Variants in TLN2 observed in about 807,000 individuals in gnomAD.
The protein encoded by TLN2 is talin-2.
Under a neutral mutation model 294.7 loss-of-function variants are expected in TLN2, and 118 were observed. The ratio of observed to expected loss-of-function variants is 0.40; its 90% CI spans 0.34 to 0.47. TLN2 has a LOEUF of 0.47. TLN2 is among the 20% of genes least tolerant of loss of function. The probability of loss-of-function intolerance (pLI) is 0.84; values close to 1 mark genes in which losing one functional copy is unlikely to be tolerated. For synonymous variants in TLN2, 1,431 were observed against 1,304.5 expected, an observed-to-expected ratio of 1.10 and a Z score of -2.09; for missense variants, 3,083 against 3,282.2, an observed-to-expected ratio of 0.94 and a Z score of 1.48.
intron 1 of TLN2, among the ~76,000 whole-genome samples, chr15:62,522,762 C>A (rs371496231): frequency 1.3e-5 from 2 of 151,094 alleles, no homozygotes; most frequent in Non-Finnish European, 2.9e-5. Flanking sequence ...GAGGACAGGA[C>A]GACTCCCAGG....
chr15:62,765,127 C>T (rs569111104), intron 40 of TLN2, among the ~76,000 whole-genome samples: 1 of 151,592 alleles, frequency 6.6e-6, no homozygotes, highest in African/African-American at 2.4e-5. Flanking sequence ...TGCATGTGCT[C>T]CCTGATCATA....
intron 1 of TLN2, among the ~76,000 whole-genome samples, chr15:62,417,774 G>A (rs1011114346): frequency 1.3e-5 from 2 of 152,234 alleles, no homozygotes; most frequent in Non-Finnish European, 2.9e-5. Flanking sequence ...GGGCATTGAA[G>A]TAGCACCATT....
At chr15:62,809,801 C>A in intron 51 of TLN2, 124 bp from the exon 52 acceptor site, 1 of 804,538 alleles carries the variant, frequency 1.2e-6, no homozygotes, top group Non-Finnish European at 2.1e-6. Flanking sequence ...GATACCTCTT[C>A]TGTCCAGGGA....
At chr15:62,440,466 G>T (rs1020565864) in intron 1 of TLN2, among the ~76,000 whole-genome samples, 9 of 152,154 alleles carry the variant, frequency 5.9e-5, no homozygotes, top group African/African-American at 2.2e-4. Flanking sequence ...GCTGCAGATC[G>T]GTAAATACAA....
intron 1 of TLN2, among the ~76,000 whole-genome samples, chr15:62,542,284 C>T (rs964349792): frequency 6.6e-6 from 1 of 152,196 alleles, no homozygotes; most frequent in Middle Eastern, 3.4e-3. Flanking sequence ...CTGCACCTCC[C>T]GGGTTCACGC....
chr15:62,486,449 T>TTTG (rs2038399122), intron 1 of TLN2, among the ~76,000 whole-genome samples: 1 of 130,806 alleles, frequency 7.6e-6, no homozygotes, highest in Non-Finnish European at 1.6e-5. Context: ...GAACAGTTCC[T>TTTG]TTGTTTTTTT....
intron 2 of TLN2, among the ~76,000 whole-genome samples, chr15:62,600,081 G>A (rs987850658): frequency 6.6e-6 from 1 of 152,124 alleles, no homozygotes. Flanking sequence ...AAGAGGAGGT[G>A]GGATTTCCCG....
intron 1 of TLN2, among the ~76,000 whole-genome samples, chr15:62,548,338 A>G (rs1415109723): frequency 6.6e-6 from 1 of 152,170 alleles, no homozygotes; most frequent in Non-Finnish European, 1.5e-5. Context: ...TCCTAAGAGA[A>G]TCGGGTAAAA....
chr15:62,737,367 A>G (rs1244640992), intron 29 of TLN2, among the ~76,000 whole-genome samples: 1 of 152,206 alleles, frequency 6.6e-6, no homozygotes, highest in Non-Finnish European at 1.5e-5. Context: ...CCAGGACATA[A>G]CATGCTTGTT....
In TLN2 at chr15:62,595,016, A is replaced by G. The variant is rs61198581; in HGVS notation, c.-162+5254A>G. Among the ~76,000 whole-genome samples the G allele has an allele frequency of 2.0e-3, 306 of 152,352 alleles. 6 individuals carry two copies. The East Asian group carries it at 0.049, about 24-fold the overall frequency. ...GACATTTCTCAAAAGAAGATACACAAATGGCCAACAAGTATATGAAAAAAT... is the reference window on the plus strand; with the variant it reads ...GACATTTCTCAAAAGAAGATACACAGATGGCCAACAAGTATATGAAAAAAT... On this transcript the variant is annotated intron_variant, in intron 2 of 58. Coordinates refer to ENST00000636159, the MANE Select transcript of TLN2 (RefSeq NM_015059.3).
At chr15:62,454,359 G>T (rs1187150775) in intron 1 of TLN2, among the ~76,000 whole-genome samples, 1 of 152,126 alleles carries the variant, frequency 6.6e-6, no homozygotes, top group Non-Finnish European at 1.5e-5. Flanking sequence ...CACCAGGGAG[G>T]CCAGGCCCTG....
chr15:62,413,082 C>T (rs192646026), intron 1 of TLN2, among the ~76,000 whole-genome samples: 29 of 152,192 alleles, frequency 1.9e-4, no homozygotes, highest in Admixed American at 1.6e-3. Flanking sequence ...AATGTCTCCT[C>T]CAGGGAGAAT....
At chr15:62,657,037 G>C (rs2053285409) in intron 8 of TLN2, among the ~76,000 whole-genome samples, 1 of 152,106 alleles carries the variant, frequency 6.6e-6, no homozygotes, top group Non-Finnish European at 1.5e-5. Flanking sequence ...GCCAAAAGGA[G>C]AGAGATAGCA....
intron 1 of TLN2, among the ~76,000 whole-genome samples, chr15:62,456,410 T>A (rs1346449151): frequency 6.6e-6 from 1 of 152,122 alleles, no homozygotes; most frequent in Non-Finnish European, 1.5e-5. Context: ...TCCCCACCGT[T>A]TAAAATGCAG....
intron 4 of TLN2, among the ~76,000 whole-genome samples, chr15:62,648,868 A>G (rs1383236022): frequency 4.6e-5 from 7 of 150,956 alleles, no homozygotes; most frequent in African/African-American, 1.7e-4. Context: ...TTTTTGAGAC[A>G]GGGTCTCGCT....
intron 1 of TLN2, among the ~76,000 whole-genome samples, chr15:62,401,335 GCTGGAGTGCCAGCCA>G (rs2033003848): frequency 6.6e-6 from 1 of 152,148 alleles, no homozygotes; most frequent in Non-Finnish European, 1.5e-5. Flanking sequence ...TATCACCCAG[GCTGGAGTGCCAGCCA>G]CTTAGTTTTA....
chr15:62,785,195 T>TA (rs2064538115), intron 45 of TLN2, among the ~76,000 whole-genome samples: 1 of 152,242 alleles, frequency 6.6e-6, no homozygotes. Context: ...AGTTATCAGA[T>TA]ACCCACATTA....
At chr15:62,562,840 C>A (rs758022147) in intron 1 of TLN2, among the ~76,000 whole-genome samples, 84 of 150,534 alleles carry the variant, frequency 5.6e-4, no homozygotes, top group Non-Finnish European at 1.1e-3. Flanking sequence ...ATAATAGTCT[C>A]CAGTTCCATC....
rs779752905 is a variant in TLN2, at chr15:62,844,039, G to A, written c.*3429G>A. The A allele has an allele frequency of 1.3e-5, 2 of 152,216 alleles. No individual in the cohort carries two copies. Among genetic ancestry groups the A allele is most frequent in the Non-Finnish European group, 1.5e-5 (1 of 68,074 alleles). 9.4% of individuals were successfully genotyped at this position (152,216 alleles called of 1,614,324 possible). ...GTTGACCAAGGGGCTGGCTGCTTCTGAGACTTACCAACCCAAGAAATTTGG... is the reference window on the plus strand; with the variant it reads ...GTTGACCAAGGGGCTGGCTGCTTCTAAGACTTACCAACCCAAGAAATTTGG... On this transcript the variant is annotated 3_prime_UTR_variant, in exon 59 of 59. Coordinates refer to ENST00000636159, the MANE Select transcript of TLN2 (RefSeq NM_015059.3).
Sources: gnomAD v4.1 joint callset for allele counts (sites outside exome capture counted in the v4.1 genomes callset) on GRCh38, gnomAD v4.1.1 for gene constraint, MANE v1.5 for transcripts, NCBI Gene and HGNC (gene_info 2026-07-23, HGNC 2026-07-21) for gene names.